Variants in KPNB1 observed in about 807,000 individuals in gnomAD.
The protein encoded by KPNB1 is karyopherin subunit beta 1.
In KPNB1, 7 loss-of-function variants were observed where a neutral mutation model predicts 113.0. The ratio of observed to expected loss-of-function variants is 0.06; its 90% CI spans 0.04 to 0.12. The LOEUF is 0.12. Ranked by LOEUF, KPNB1 falls within the 10% of genes least tolerant of loss-of-function variation. The pLI, the probability that KPNB1 is intolerant of heterozygous loss-of-function variation, is 1.00. For missense variants in KPNB1, 400 were observed against 1,054.8 expected, an observed-to-expected ratio of 0.38 and a Z score of 8.60; for synonymous variants, 363 against 378.6, an observed-to-expected ratio of 0.96 and a Z score of 0.48.
intron 9 of KPNB1, among the ~76,000 whole-genome samples, chr17:47,666,536 A>G (rs2030286658): frequency 9.8e-6 from 1 of 102,462 alleles, no homozygotes; most frequent in Non-Finnish European, 2.1e-5. Flanking sequence ...ATTATGTTAT[A>G]TATTATATAT....
intron 15 of KPNB1, among the ~76,000 whole-genome samples, chr17:47,676,008 T>G (rs1327959002): frequency 2.0e-5 from 3 of 152,194 alleles, no homozygotes; most frequent in Non-Finnish European, 4.4e-5. Flanking sequence ...CTTGATGGAA[T>G]TGCCTAAGGA....
chr17:47,681,144 A>G (rs1302122505), intron 21 of KPNB1, among the ~76,000 whole-genome samples: 2 of 151,704 alleles, frequency 1.3e-5, no homozygotes, highest in Non-Finnish European at 2.9e-5. Flanking sequence ...ATCTCGGTTC[A>G]CTGCAACTGC....
chr17:47,659,043 T>C (rs752583465), intron 5 of KPNB1, among the ~76,000 whole-genome samples: 2 of 151,818 alleles, frequency 1.3e-5, no homozygotes, highest in African/African-American at 2.4e-5. Flanking sequence ...TCAGATATCG[T>C]CCCTTAAAAA....
chr17:47,678,460 T>G, intron 19 of KPNB1, 47 bp downstream of exon 19: 7 of 1,304,710 alleles, frequency 5.4e-6, no homozygotes, highest in Non-Finnish European at 7.8e-6. Flanking sequence ...CAATGTGCAC[T>G]TAGCCAAGTG....
At chr17:47,664,646 A>AGTTC (rs773779996) in intron 8 of KPNB1, among the ~76,000 whole-genome samples, 23 of 152,198 alleles carry the variant, frequency 1.5e-4, no homozygotes, top group Admixed American at 4.6e-4. Context: ...TCAGATATGG[A>AGTTC]AGAGAATGGG....
chr17:47,666,104 A>T (rs2030258972), intron 9 of KPNB1, among the ~76,000 whole-genome samples: 1 of 151,164 alleles, frequency 6.6e-6, no homozygotes, highest in Non-Finnish European at 1.5e-5. Flanking sequence ...CCCAGGCTGG[A>T]GTGTCATGGC....
intron 17 of KPNB1, among the ~76,000 whole-genome samples, chr17:47,677,503 A>G (rs973124919): frequency 3.1e-4 from 47 of 151,064 alleles, no homozygotes; most frequent in Non-Finnish European, 5.9e-4. Context: ...AAAATCAGTG[A>G]CAGGGAGCTG....
chr17:47,662,280 G>C (rs1476466397), intron 6 of KPNB1: 1 of 151,320 alleles, frequency 6.6e-6, no homozygotes, highest in Non-Finnish European at 1.5e-5. Context: ...CAGCCTGGGA[G>C]ACTCCATCTC....
intron 21 of KPNB1, among the ~76,000 whole-genome samples, chr17:47,681,523 C>T (rs558496883): frequency 6.6e-6 from 1 of 151,876 alleles, no homozygotes; most frequent in South Asian, 2.1e-4. Context: ...CCACCCACCT[C>T]GGCCTCCCAA....
chr17:47,676,903 G>T lies in KPNB1; in HGVS notation c.1996-117G>T, dbSNP rs143022727. 6.6e-4 allele frequency: 470 copies of T among 714,730 alleles called. 5 individuals carry two copies. The East Asian group carries it at 0.012, about 18-fold the overall frequency. 44.3% of individuals were successfully genotyped at this position (714,730 alleles called of 1,614,324 possible). A position where few individuals can be genotyped will look rare whatever the true frequency, so the allele number is the denominator to read the frequency against. ...GTTGGTTGTTGAAAAATTAATCTCGGCAGAGGGATTTAACTCTAGGTTCAA... is the reference window on the plus strand; with the variant it reads ...GTTGGTTGTTGAAAAATTAATCTCGTCAGAGGGATTTAACTCTAGGTTCAA... On this transcript the variant is annotated intron_variant, in intron 16 of 21. Transcript: ENST00000290158.
At chr17:47,651,844 T>C (rs1472809975) in intron 2 of KPNB1, among the ~76,000 whole-genome samples, 1 of 152,180 alleles carries the variant, frequency 6.6e-6, no homozygotes, top group Non-Finnish European at 1.5e-5. Flanking sequence ...AAGGGAGTAG[T>C]TTTTGAGGCC....
chr17:47,650,319 A>G lies in KPNB1; in HGVS notation c.40+35A>G, dbSNP rs566113900. On this transcript the variant is annotated intron_variant, in intron 1 of 21. Coordinates refer to ENST00000290158, the MANE Select transcript of KPNB1 (RefSeq NM_002265.6). ...AGGAGCCGGGGGTAGGGCTGAGGTG[A>G]TTGGGGTGGGGGAGGGGAGGCCCGG... is the stretch of plus-strand genomic sequence containing the variant. 19 of 1,552,988 alleles carry G rather than the reference A, an allele frequency of 1.2e-5. No homozygotes were observed. In the East Asian group the frequency reaches 2.7e-4, roughly 22 times the overall value.
At chr17:47,669,650 G>C (rs771600618) in intron 10 of KPNB1, 28 bp from the exon 11 acceptor site, 1 of 1,491,878 alleles carries the variant, frequency 6.7e-7, no homozygotes, top group South Asian at 1.2e-5. Context: ...TCTTTGTTTT[G>C]CTTTGCTAAT....
intron 19 of KPNB1, among the ~76,000 whole-genome samples, chr17:47,679,439 C>T (rs775165195): frequency 2.0e-5 from 3 of 152,126 alleles, no homozygotes; most frequent in Non-Finnish European, 4.4e-5. Flanking sequence ...TTTTTTACTT[C>T]ACCCCCCTTG....
chr17:47,661,231 C>T, intron 6 of KPNB1, 53 bp downstream of exon 6: 3 of 1,295,948 alleles, frequency 2.3e-6, no homozygotes, highest in Non-Finnish European at 3.4e-6. Flanking sequence ...TAGGAAATGT[C>T]AAATCTAATA....
At chr17:47,673,404 A>G (rs568036172) in intron 13 of KPNB1, 86 bp from the exon 14 acceptor site, 13 of 1,159,596 alleles carry the variant, frequency 1.1e-5, no homozygotes, top group East Asian at 2.3e-5. Flanking sequence ...TTACTTTCCT[A>G]TGTTAGTATT....
In KPNB1 at chr17:47,683,790, A is replaced by G. The variant is rs2030868299; in HGVS notation, c.*1386A>G. On this transcript the variant is annotated 3_prime_UTR_variant, in exon 22 of 22. Coordinates refer to ENST00000290158, the MANE Select transcript of KPNB1 (RefSeq NM_002265.6). ...CTAGAAGTCTTGTGATGAAAATGGC[A>G]CTTGGAAAAGGTTTTATTTTTCCAC... The G allele has an allele frequency of 6.6e-6, 1 of 152,534 alleles. No homozygotes were observed. The highest frequency in any genetic ancestry group is 2.1e-4 in the South Asian group (1 of 4,826). The allele number at this position is 152,534 out of a possible 1,614,324, so 9.4% of individuals were successfully genotyped here. A position where few individuals can be genotyped will look rare whatever the true frequency, so the allele number is the denominator to read the frequency against.
intron 3 of KPNB1, among the ~76,000 whole-genome samples, chr17:47,653,705 C>T (rs1915642892): frequency 6.6e-6 from 1 of 152,186 alleles, no homozygotes; most frequent in South Asian, 2.1e-4. Flanking sequence ...TGGTTATGCA[C>T]ATCATACTTG....
At chr17:47,673,924 C>T (rs930575120) in intron 14 of KPNB1, 1 of 191,054 alleles carries the variant, frequency 5.2e-6, no homozygotes, top group African/African-American at 2.3e-5. Flanking sequence ...TGTGATGGTT[C>T]CTTCCAGATG....
Sources: gnomAD v4.1 joint callset for allele counts (sites outside exome capture counted in the v4.1 genomes callset) on GRCh38, gnomAD v4.1.1 for gene constraint, MANE v1.5 for transcripts, NCBI Gene and HGNC (gene_info 2026-07-23, HGNC 2026-07-21) for gene names.